The following NAV3 variants were observed in gnomAD, a reference collection of about 807,000 sequenced individuals.
The protein encoded by NAV3 is pore membrane and/or filament interacting like protein 1.
Under a neutral mutation model 244.7 loss-of-function variants are expected in NAV3, and 87 were observed. That is an observed-to-expected ratio of 0.36 (90% confidence interval 0.30 to 0.42). NAV3 has a LOEUF of 0.42. NAV3 is among the 20% of genes least tolerant of loss of function. The pLI, the probability that NAV3 is intolerant of heterozygous loss-of-function variation, is 1.00. For missense variants in NAV3, 2,663 were observed against 2,893.3 expected (o/e 0.92, Z 1.83); for synonymous variants, 1,126 against 1,042.2 (o/e 1.08, Z -1.55).
At chr12:78,099,955 TG>T (rs1281455481) in intron 12 of NAV3, among the ~76,000 whole-genome samples, 1 of 151,952 alleles carries the variant, frequency 6.6e-6, no homozygotes, top group Non-Finnish European at 1.5e-5. Flanking sequence ...TTCCATTTTT[TG>T]TTTACCTAGC....
intron 2 of NAV3, among the ~76,000 whole-genome samples, chr12:77,660,502 TA>T (rs1175518418): frequency 2.0e-5 from 3 of 152,188 alleles, no homozygotes; most frequent in African/African-American, 4.8e-5. Context: ...ACAAATTATC[TA>T]AAGGTATCCA....
At chr12:77,725,740 T>C (rs968075260) in intron 2 of NAV3, among the ~76,000 whole-genome samples, 1 of 151,872 alleles carries the variant, frequency 6.6e-6, no homozygotes, top group Admixed American at 6.6e-5. Context: ...ACCACAAAAA[T>C]GTTTATCTTA....
chr12:78,186,983 GT>G (rs932645129), intron 31 of NAV3, among the ~76,000 whole-genome samples: 1 of 151,778 alleles, frequency 6.6e-6, no homozygotes, highest in Non-Finnish European at 1.5e-5. Context: ...CATCATGAAA[GT>G]CCCACCATTA....
intron 5 of NAV3, among the ~76,000 whole-genome samples, chr12:77,991,441 C>A: frequency 7.0e-6 from 1 of 142,680 alleles, no homozygotes. Flanking sequence ...ATTTAAATAA[C>A]TAAAGTTAAA....
intron 1 of NAV3, among the ~76,000 whole-genome samples, chr12:77,915,636 G>T (rs2137099766): frequency 6.6e-6 from 1 of 152,100 alleles, no homozygotes; most frequent in South Asian, 2.1e-4. Flanking sequence ...TTGTCAGGAT[G>T]AGGAGGGTAC....
chr12:77,995,500 A>G (rs1872206919), intron 6 of NAV3, among the ~76,000 whole-genome samples: 1 of 152,190 alleles, frequency 6.6e-6, no homozygotes, highest in Non-Finnish European at 1.5e-5. Context: ...GGTAGCATGG[A>G]ACAGCTGAAT....
chr12:77,898,178 T>A (rs1884848622), intron 1 of NAV3, among the ~76,000 whole-genome samples: 1 of 152,240 alleles, frequency 6.6e-6, no homozygotes, highest in African/African-American at 2.4e-5. Context: ...GTATTTTTTA[T>A]ATTATATCAT....
chr12:78,167,169 A>G (rs975538974), intron 23 of NAV3, among the ~76,000 whole-genome samples: 3 of 151,814 alleles, frequency 2.0e-5, no homozygotes, highest in Non-Finnish European at 2.9e-5. Flanking sequence ...TGGACAGAAT[A>G]TAAAAATTGG....
At chr12:77,602,197 T>A (rs1323323520) in intron 2 of NAV3, among the ~76,000 whole-genome samples, 26 of 151,944 alleles carry the variant, frequency 1.7e-4, no homozygotes, top group Non-Finnish European at 2.9e-5. Flanking sequence ...AGTAGGACAG[T>A]CTGGGAATTA....
intron 12 of NAV3, among the ~76,000 whole-genome samples, chr12:78,110,221 G>T (rs1466363892): frequency 6.6e-6 from 1 of 151,754 alleles, no homozygotes; most frequent in Non-Finnish European, 1.5e-5. Context: ...AAATACCTGG[G>T]AATAAATCAA....
At chr12:78,097,897 G>T (rs550172396) in intron 12 of NAV3, among the ~76,000 whole-genome samples, 147 of 152,170 alleles carry the variant, frequency 9.7e-4, no homozygotes, top group African/African-American at 3.2e-3. Flanking sequence ...CTCTGAAAGA[G>T]AAAGCTAATG....
At chr12:78,185,223 G>T (rs570224204) in intron 30 of NAV3, among the ~76,000 whole-genome samples, 4 of 151,808 alleles carry the variant, frequency 2.6e-5, no homozygotes, top group South Asian at 2.1e-4. Context: ...TATTGAGCTT[G>T]GATATTTTAG....
chr12:78,119,339 A>T lies in NAV3; in HGVS notation c.3143A>T (p.Glu1048Val), dbSNP rs1037664017. 1 of 1,614,084 alleles carries T rather than the reference A, an allele frequency of 6.2e-7. No individual in the cohort carries two copies. The highest frequency in any genetic ancestry group is 1.3e-5 in the African/African-American group (1 of 74,922). The change falls in exon 15 of 40, where the codon GAA becomes GTA. Residue 1048 changes from glutamate to valine, a missense_variant. By Grantham distance (121) the Glu-to-Val change is moderately radical (BLOSUM62 -2). Transcript: ENST00000397909. ...PSDAGKSSGD[E>V]GKKPPSGIGR... is the part of the protein sequence containing the mutation. ...GATGCAGGAAAAAGCAGTGGAGATG[A>T]AGGGAAAAAGCCCCCCTCAGGCATT...
At chr12:77,784,130 G>A (rs890102377) in intron 2 of NAV3, among the ~76,000 whole-genome samples, 1 of 152,068 alleles carries the variant, frequency 6.6e-6, no homozygotes, top group Non-Finnish European at 1.5e-5. Flanking sequence ...TGTACCCAAA[G>A]GACTTAGATT....
At chr12:77,642,076 G>T (rs1872438922) in intron 2 of NAV3, among the ~76,000 whole-genome samples, 1 of 152,068 alleles carries the variant, frequency 6.6e-6, no homozygotes, top group African/African-American at 2.4e-5. Context: ...TGTATAGATA[G>T]AGGAATGACC....
At chr12:77,584,724 A>G (rs889999655) in intron 2 of NAV3, among the ~76,000 whole-genome samples, 1 of 152,202 alleles carries the variant, frequency 6.6e-6, no homozygotes, top group African/African-American at 2.4e-5. Flanking sequence ...GGCAGAAGTG[A>G]TGGCATACTT....
chr12:77,756,430 C>T (rs759675402), intron 2 of NAV3, among the ~76,000 whole-genome samples: 23 of 151,866 alleles, frequency 1.5e-4, no homozygotes, highest in Non-Finnish European at 2.8e-4. Flanking sequence ...GTTTGTTGTC[C>T]TACTCATTAT....
chr12:77,638,648 A>G (rs1323060234), intron 2 of NAV3, among the ~76,000 whole-genome samples: 4 of 152,210 alleles, frequency 2.6e-5, no homozygotes, highest in African/African-American at 9.6e-5. Context: ...GGATTCATAT[A>G]CTATTTTTGA....
At chr12:78,137,695 A>G (rs1471966516) in intron 19 of NAV3, among the ~76,000 whole-genome samples, 1 of 152,204 alleles carries the variant, frequency 6.6e-6, no homozygotes, top group African/African-American at 2.4e-5. Context: ...ATTTTGGTTA[A>G]AGAGCCATAA....
Sources: allele counts gnomAD v4.1 joint callset (sites outside exome capture counted in the v4.1 genomes callset), GRCh38; gene constraint gnomAD v4.1.1; transcripts MANE v1.5; gene names NCBI Gene and HGNC (gene_info 2026-07-23, HGNC 2026-07-21).